DYNC1H1: variants seen among roughly 807,000 people sequenced by gnomAD.
DYNC1H1 encodes the protein cytoplasmic dynein 1 heavy chain 1.
In DYNC1H1, 51 loss-of-function variants were observed where a neutral mutation model predicts 527.1. That is an observed-to-expected ratio of 0.10 (90% CI 0.08 to 0.12). The LOEUF (loss-of-function observed/expected upper bound fraction) is 0.12. DYNC1H1 is among the 10% of genes least tolerant of loss of function. The pLI, the probability that DYNC1H1 is intolerant of heterozygous loss-of-function variation, is 1.00. For missense variants in DYNC1H1, 2,771 were observed against 5,971.8 expected, an observed-to-expected ratio of 0.46 and a Z score of 17.66; for synonymous variants, 2,189 against 2,278.8, an observed-to-expected ratio of 0.96 and a Z score of 1.12.
chr14:102,048,234 A>C, intron 73 of DYNC1H1: 2 of 745,028 alleles, frequency 2.7e-6, no homozygotes, highest in Non-Finnish European at 4.3e-6. Flanking sequence ...ACACCCTAGA[A>C]GATTGTGAGA....
chr14:101,992,917 C>G (rs1282041394), intron 11 of DYNC1H1, among the ~76,000 whole-genome samples: 1 of 152,182 alleles, frequency 6.6e-6, no homozygotes, highest in African/African-American at 2.4e-5. Context: ...TCTGTTCCCT[C>G]TCCACTCCTG....
At position 102,001,685 on chromosome 14, in the gene DYNC1H1, C is replaced by T; in HGVS notation, c.4542+4C>T. 1 of 1,613,944 alleles carries T rather than the reference C, an allele frequency of 6.2e-7. No individual in the cohort carries two copies. The highest frequency in any genetic ancestry group is 8.5e-7 in the Non-Finnish European group (1 of 1,180,028). Reference sequence around the variant, plus strand: ...GAAGCTCTCTCCGTATTACAAGGTGCTGTTGCTGGGGAAGCTTTCCCTCCC... The same window carrying T: ...GAAGCTCTCTCCGTATTACAAGGTGTTGTTGCTGGGGAAGCTTTCCCTCCC... On this transcript the variant is annotated splice_donor_region_variant and intron_variant, in intron 21 of 77. Coordinates refer to ENST00000360184, the MANE Select transcript of DYNC1H1 (RefSeq NM_001376.5). The surrounding 1 kb of genome is among the most constrained non-coding windows in gnomAD (Gnocchi z 5.0).
At chr14:102,009,621 TG>T in intron 29 of DYNC1H1, 1 of 596,212 alleles carries the variant, frequency 1.7e-6, no homozygotes, top group Non-Finnish European at 2.9e-6. Flanking sequence ...TGGCTTGACC[TG>T]GGACACGTGC....
intron 34 of DYNC1H1, among the ~76,000 whole-genome samples, chr14:102,014,830 T>G (rs916926058): frequency 1.3e-4 from 20 of 152,006 alleles, no homozygotes; most frequent in Non-Finnish European, 2.1e-4. Context: ...CAGAAAAAAT[T>G]TTTTTGAGAC....
At chr14:102,034,238 G>C (rs946451253) in intron 55 of DYNC1H1, 50 bp downstream of exon 55, 1 of 1,614,212 alleles carries the variant, frequency 6.2e-7, no homozygotes, top group Non-Finnish European at 8.5e-7. Context: ...TGTGAGGCAA[G>C]CTGGTGTTTA....
Position 102,039,842 on chromosome 14 carries a change from T to G in DYNC1H1, c.11690+110T>G, listed in dbSNP as rs8014802. The G allele has an allele frequency of 4.2e-6, 4 of 956,698 alleles. No individual in the cohort carries two copies. Among genetic ancestry groups the G allele is most frequent in the Non-Finnish European group, 5.5e-6 (4 of 723,450 alleles). 59.3% of individuals were successfully genotyped at this position (956,698 alleles called of 1,614,324 possible). A position where few individuals can be genotyped will look rare whatever the true frequency, so the allele number is the denominator to read the frequency against. ...TCTTTTATTTTCTCTTTTATTTTCT[T>G]TATTTTATTTTTTGAGACGGAGTCT... On this transcript the variant is annotated intron_variant, in intron 62 of 77. Transcript: ENST00000360184. The surrounding 1 kb of genome is among the most constrained non-coding windows in gnomAD (Gnocchi z 7.0).
At chr14:101,991,417 G>A in intron 10 of DYNC1H1, 110 bp from the exon 11 acceptor site, 3 of 1,377,716 alleles carry the variant, frequency 2.2e-6, no homozygotes, top group Non-Finnish European at 3.0e-6. Flanking sequence ...GTGAGCCAAG[G>A]TTGTGCCATT....
In DYNC1H1 at chr14:102,034,251, G is replaced by A. The variant is rs2048544584; in HGVS notation, c.10626+63G>A. 3.1e-6 allele frequency: 5 copies of A among 1,614,176 alleles called. No individual in the cohort carries two copies. In the East Asian group the frequency reaches 6.7e-5, roughly 22 times the overall value. ...AGTGTGAGGCAAGCTGGTGTTTAGT[G>A]CACAGTTAGAGTCTTGAGAACAGTC... On this transcript the variant is annotated intron_variant, in intron 55 of 77. Transcript: ENST00000360184.
chr14:101,983,559 C>T lies in DYNC1H1; in HGVS notation c.1411C>T (p.Arg471Cys), dbSNP rs2047892380. The T allele has an allele frequency of 3.1e-6, 5 of 1,614,020 alleles. No homozygotes were observed. The highest frequency in any genetic ancestry group is 1.3e-5 in the African/African-American group (1 of 74,896). Residue 471 changes from arginine (R) to cysteine (C), a missense_variant, in exon 7 of 78, where the codon CGC becomes TGC. Physicochemically the swap from Arg to Cys is radical, Grantham distance 180. Transcript: ENST00000360184. The surrounding 1 kb of genome is among the most constrained non-coding windows in gnomAD (Gnocchi z 5.3). ...ARLDQMRKFR[R>C]QHEQLRAVIV... ...CCTTGACCAGATGAGAAAATTTAGA[C>T]GCCAGCATGAACAGCTAAGAGCTGT...
chr14:102,013,501 G>A (rs1158184668), intron 34 of DYNC1H1, among the ~76,000 whole-genome samples: 1 of 146,466 alleles, frequency 6.8e-6, no homozygotes, highest in Non-Finnish European at 1.5e-5. Context: ...CACAGCAGGA[G>A]TAGCAGGTCT....
At position 101,985,138 on chromosome 14, in the gene DYNC1H1, C is replaced by T. The variant is rs1014603763; in HGVS notation, c.1462-549C>T. 2.3e-4 allele frequency among the ~76,000 whole-genome samples: 35 copies of T among 151,932 alleles called. No homozygotes were observed. The highest frequency in any genetic ancestry group is 6.0e-4 in the African/African-American group (25 of 41,358). The stretch of plus-strand genomic sequence containing the variant: ...TTGGAAGGACCCTAGAGCCAGACTT[C>T]CTGGGTTTTAAATCCTAATTCCATC... On this transcript the variant is annotated intron_variant, in intron 7 of 77. Transcript: ENST00000360184. The surrounding 1 kb of genome is among the most constrained non-coding windows in gnomAD (Gnocchi z 5.9).
At position 101,994,207 on chromosome 14, in the gene DYNC1H1, T is replaced by C. The variant is rs777197539; in HGVS notation, c.3039T>C (p.Thr1013=). 3 of 1,614,220 alleles carry C rather than the reference T, an allele frequency of 1.9e-6. No homozygotes were observed. In the Admixed American group the frequency reaches 5.0e-5, roughly 27 times the overall value. Residue 1013 remains threonine, a synonymous_variant, in exon 12 of 78, where the codon ACT becomes ACC. Transcript: ENST00000360184. ...AGGTGGGTGTACATTACGAATTGAC[T>C]GAGGAAGAGAAATTCTATCGGAATG... ...RYQVGVHYEL[T]EEEKFYRNAL... is the part of the protein sequence containing the mutation.
chr14:102,032,742 A>G, intron 52 of DYNC1H1: 1 of 567,036 alleles, frequency 1.8e-6, no homozygotes, highest in Non-Finnish European at 3.1e-6. Flanking sequence ...AGTCCTAGCT[A>G]CTTGGGAGGC....
intron 1 of DYNC1H1, among the ~76,000 whole-genome samples, chr14:101,968,044 C>T (rs2047687068): frequency 6.6e-6 from 1 of 152,214 alleles, no homozygotes; most frequent in African/African-American, 2.4e-5. Flanking sequence ...GTGCTCATTA[C>T]TTAACTAGCC....
chr14:102,049,274 T>TGAGGGCG lies in DYNC1H1; in HGVS notation c.13373-164_13373-158dup. 1 of 911,022 alleles carries TGAGGGCG rather than the reference T, an allele frequency of 1.1e-6. No homozygotes were observed. The highest frequency in any genetic ancestry group is 1.7e-6 in the Non-Finnish European group (1 of 585,740). 56.4% of individuals were successfully genotyped at this position (911,022 alleles called of 1,614,324 possible). On this transcript the variant is annotated intron_variant, in intron 74 of 77. Coordinates refer to ENST00000360184, the MANE Select transcript of DYNC1H1 (RefSeq NM_001376.5). The surrounding 1 kb of genome is among the most constrained non-coding windows in gnomAD (Gnocchi z 5.5). ...CCAGCCTGAGCTAGAGCAGATGTGG[T>TGAGGGCG]GAGGGCGGCGCCAGGGGCATAAAGT...
Position 102,039,849 on chromosome 14 carries a change from ATTTTT to A in DYNC1H1, c.11690+119_11690+123del. 7.6e-7 allele frequency: 1 copy of A among 1,311,568 alleles called. No homozygotes were observed. Among genetic ancestry groups the A allele is most frequent in the Non-Finnish European group, 1.1e-6 (1 of 946,004 alleles). The allele number at this position is 1,311,568 out of a possible 1,614,324, so 81.2% of individuals were successfully genotyped here. A position where few individuals can be genotyped will look rare whatever the true frequency, so the allele number is the denominator to read the frequency against. ...TTTTCTCTTTTATTTTCTTTATTTT[ATTTTT>A]TGAGACGGAGTCTCCCTTTGTTGCC... On this transcript the variant is annotated intron_variant, in intron 62 of 77. Transcript: ENST00000360184. The surrounding 1 kb of genome is among the most constrained non-coding windows in gnomAD (Gnocchi z 7.0).
chr14:101,965,288 C>T lies in DYNC1H1; in HGVS notation c.256+341C>T, dbSNP rs2047653353. Among the ~76,000 whole-genome samples, 1 of 152,236 alleles carries T rather than the reference C, an allele frequency of 6.6e-6. No homozygotes were observed. The highest frequency in any genetic ancestry group is 1.5e-5 in the Non-Finnish European group (1 of 68,034). The stretch of plus-strand genomic sequence containing the variant: ...ATGGGGTCGCTTTGTCTGCTCGGGC[C>T]TCTCAAGATGGCCGAGTTGGGTGGA... On this transcript the variant is annotated intron_variant, in intron 1 of 77. Coordinates refer to ENST00000360184, the MANE Select transcript of DYNC1H1 (RefSeq NM_001376.5). This position sits in a 1 kb window ranked among gnomAD's most constrained non-coding sequence, Gnocchi z 4.1.
At chr14:101,999,919 T>C in intron 16 of DYNC1H1, 70 bp from the exon 17 acceptor site, 2 of 1,609,818 alleles carry the variant, frequency 1.2e-6, no homozygotes, top group Non-Finnish European at 1.7e-6. Context: ...CTGTGCACCA[T>C]TTTAAAGCCT....
In DYNC1H1 at chr14:101,984,957, A is replaced by G. The variant is rs991193427; in HGVS notation, c.1462-730A>G. 2.6e-4 allele frequency among the ~76,000 whole-genome samples: 38 copies of G among 146,632 alleles called. 1 individual carries two copies. The East Asian group carries it at 5.0e-3, about 19-fold the overall frequency. ...CAAAAAAAAAAAAAAAAAAAAAAAA[A>G]GGAAAAGAAATAGGGTTTCACCATG... On this transcript the variant is annotated intron_variant, in intron 7 of 77. Coordinates refer to ENST00000360184, the MANE Select transcript of DYNC1H1 (RefSeq NM_001376.5).
Sources: allele counts gnomAD v4.1 joint callset (sites outside exome capture counted in the v4.1 genomes callset), GRCh38; gene constraint gnomAD v4.1.1; non-coding constraint Gnocchi (gnomAD v3.1); transcripts MANE v1.5; gene names NCBI Gene and HGNC (gene_info 2026-07-23, HGNC 2026-07-21).